SLC24A3: variants seen among roughly 807,000 people sequenced by gnomAD.
The protein encoded by SLC24A3 is sodium/potassium/calcium exchanger 3.
SLC24A3 carries 28 observed loss-of-function variants against 75.8 expected under a neutral mutation model. That is an observed-to-expected ratio of 0.37 (90% CI 0.27 to 0.51). SLC24A3 has a LOEUF of 0.51. Ranked by LOEUF, SLC24A3 falls within the 20% of genes least tolerant of loss-of-function variation. SLC24A3 has a pLI of 0.94. For synonymous variants in SLC24A3, 372 were observed against 334.1 expected (o/e 1.11, Z -1.24); for missense variants, 663 against 847.8 (o/e 0.78, Z 2.71).
At chr20:19,605,189 A>G (rs2122657155) in intron 6 of SLC24A3, among the ~76,000 whole-genome samples, 1 of 152,306 alleles carries the variant, frequency 6.6e-6, no homozygotes, top group East Asian at 1.9e-4. Context: ...AGATCAAGCA[A>G]AGAGATTATT....
intron 2 of SLC24A3, among the ~76,000 whole-genome samples, chr20:19,424,937 G>A (rs1169050256): frequency 4.6e-5 from 7 of 152,084 alleles, no homozygotes; most frequent in Admixed American, 4.6e-4. Context: ...TAGGTCTCCT[G>A]TTCTTTATGG....
At chr20:19,665,744 G>C in intron 7 of SLC24A3, 120 bp from the exon 8 acceptor site, 1 of 1,336,076 alleles carries the variant, frequency 7.5e-7, no homozygotes, top group Non-Finnish European at 1.0e-6. Flanking sequence ...ACCCAGTCCT[G>C]ATTACACCAT....
chr20:19,685,014 G>A (rs2122742603), intron 11 of SLC24A3, 86 bp from the exon 12 acceptor site: 1 of 1,488,296 alleles, frequency 6.7e-7, no homozygotes, highest in South Asian at 1.4e-5. Context: ...TCAGCTGCCA[G>A]GGAAAGATCC....
intron 12 of SLC24A3, among the ~76,000 whole-genome samples, chr20:19,687,993 C>T (rs1468327847): frequency 6.6e-6 from 1 of 152,164 alleles, no homozygotes; most frequent in African/African-American, 2.4e-5. Flanking sequence ...CCTCCTGTGT[C>T]CTTCCTGAAG....
intron 2 of SLC24A3, among the ~76,000 whole-genome samples, chr20:19,478,805 A>G (rs1004678118): frequency 2.0e-5 from 3 of 152,202 alleles, no homozygotes; most frequent in African/African-American, 7.2e-5. Flanking sequence ...CTGCAAACCA[A>G]GTGCACTTTG....
chr20:19,231,314 T>C (rs1982016236), intron 1 of SLC24A3, among the ~76,000 whole-genome samples: 1 of 152,176 alleles, frequency 6.6e-6, no homozygotes, highest in Non-Finnish European at 1.5e-5. Context: ...TTGAAATCTG[T>C]GGGTTTGTTA....
intron 6 of SLC24A3, among the ~76,000 whole-genome samples, chr20:19,586,515 CG>C (rs1304487611): frequency 6.6e-6 from 1 of 152,120 alleles, no homozygotes; most frequent in Non-Finnish European, 1.5e-5. Context: ...AGGAAAGCCC[CG>C]GGGCAGCCTT....
At chr20:19,612,497 A>T (rs2122664921) in intron 6 of SLC24A3, among the ~76,000 whole-genome samples, 1 of 152,344 alleles carries the variant, frequency 6.6e-6, no homozygotes, top group Non-Finnish European at 1.5e-5. Context: ...TAAGCATTGT[A>T]TACATGTATC....
chr20:19,508,307 C>T (rs1988489274), intron 2 of SLC24A3, among the ~76,000 whole-genome samples: 3 of 152,108 alleles, frequency 2.0e-5, no homozygotes, highest in African/African-American at 7.2e-5. Context: ...CCTCAAGTTG[C>T]ATGGGTATTT....
intron 1 of SLC24A3, among the ~76,000 whole-genome samples, chr20:19,216,994 C>A (rs1397103805): frequency 6.6e-6 from 1 of 152,192 alleles, no homozygotes; most frequent in East Asian, 1.9e-4. Context: ...CTTCACTGGA[C>A]CCTCAGAGCT....
At chr20:19,587,771 G>A (rs190228358) in intron 6 of SLC24A3, among the ~76,000 whole-genome samples, 101 of 152,274 alleles carry the variant, frequency 6.6e-4, no homozygotes, top group Non-Finnish European at 1.0e-3. Flanking sequence ...CTCATCTATA[G>A]AGTGGGTACA....
intron 6 of SLC24A3, among the ~76,000 whole-genome samples, chr20:19,645,175 G>C (rs1477983737): frequency 1.3e-5 from 2 of 152,064 alleles, no homozygotes; most frequent in Non-Finnish European, 2.9e-5. Context: ...TCAATGTTTT[G>C]ATGACTAGAT....
At chr20:19,550,711 G>A (rs1256723311) in intron 3 of SLC24A3, among the ~76,000 whole-genome samples, 1 of 152,226 alleles carries the variant, frequency 6.6e-6, no homozygotes, top group Non-Finnish European at 1.5e-5. Context: ...TACCTGTGTA[G>A]AAAGGAAGCC....
intron 1 of SLC24A3, among the ~76,000 whole-genome samples, chr20:19,276,898 TAA>T (rs543637377): frequency 7.0e-6 from 1 of 143,146 alleles, no homozygotes; most frequent in African/African-American, 2.5e-5. Context: ...TGTCTCTAAT[TAA>T]AAAAAAAAAA....
chr20:19,679,086 C>T (rs2032575093), intron 9 of SLC24A3, among the ~76,000 whole-genome samples: 1 of 152,112 alleles, frequency 6.6e-6, no homozygotes, highest in African/African-American at 2.4e-5. Flanking sequence ...ACGCTCCTCA[C>T]TTCCTAGACA....
chr20:19,588,831 C>G (rs1051685495), intron 6 of SLC24A3, among the ~76,000 whole-genome samples: 1 of 152,180 alleles, frequency 6.6e-6, no homozygotes, highest in Admixed American at 6.5e-5. Flanking sequence ...AAATGCCTAA[C>G]CACAAACAGA....
intron 9 of SLC24A3, among the ~76,000 whole-genome samples, chr20:19,677,876 T>G (rs893619265): frequency 6.6e-6 from 1 of 151,916 alleles, no homozygotes; most frequent in Non-Finnish European, 1.5e-5. Flanking sequence ...TTTGCCTCCC[T>G]GGGTACTTGA....
intron 2 of SLC24A3, among the ~76,000 whole-genome samples, chr20:19,433,239 C>T (rs1987135056): frequency 6.6e-6 from 1 of 152,156 alleles, no homozygotes; most frequent in Non-Finnish European, 1.5e-5. Context: ...AATCCTCGTA[C>T]ATAAAACATT....
chr20:19,436,913 G>A (rs1158630416), intron 2 of SLC24A3, among the ~76,000 whole-genome samples: 1 of 152,220 alleles, frequency 6.6e-6, no homozygotes, highest in Non-Finnish European at 1.5e-5. Flanking sequence ...CACATCAGAG[G>A]ATAGCAGCCC....
Sources: allele counts gnomAD v4.1 joint callset (sites outside exome capture counted in the v4.1 genomes callset), GRCh38; gene constraint gnomAD v4.1.1; transcripts MANE v1.5; gene names NCBI Gene and HGNC (gene_info 2026-07-23, HGNC 2026-07-21).